The following NDUFAF2 variants were observed in gnomAD, a reference collection of about 807,000 sequenced individuals.
NDUFAF2 encodes NADH:ubiquinone oxidoreductase complex assembly factor 2.
A neutral mutation model predicts 22.8 loss-of-function variants in NDUFAF2; 13 were observed. That is an observed-to-expected ratio of 0.57 (90% CI 0.37 to 0.91). The LOEUF is 0.91. NDUFAF2 is among the 40% of genes least tolerant of loss of function. The pLI, the probability that NDUFAF2 is intolerant of heterozygous loss-of-function variation, is 0.01. For missense variants in NDUFAF2, 162 were observed against 195.2 expected (o/e 0.83, Z 1.01); for synonymous variants, 53 against 64.2 (o/e 0.83, Z 0.84).
At chr5:61,134,731 A>G (rs1740886124) in intron 3 of NDUFAF2, among the ~76,000 whole-genome samples, 1 of 151,978 alleles carries the variant, frequency 6.6e-6, no homozygotes, top group Non-Finnish European at 1.5e-5. Flanking sequence ...CCCCCCCAAA[A>G]TTTTTTTGAA....
At chr5:61,025,594 A>G (rs536442093) in intron 1 of NDUFAF2, among the ~76,000 whole-genome samples, 31 of 152,160 alleles carry the variant, frequency 2.0e-4, no homozygotes, top group African/African-American at 6.5e-4. Flanking sequence ...GTAAATATGT[A>G]TTAAGAGGAA....
chr5:61,146,994 AT>A lies in NDUFAF2; in HGVS notation c.259-5702del, dbSNP rs553468243. 8.0e-4 allele frequency among the ~76,000 whole-genome samples: 121 copies of A among 151,408 alleles called. 1 individual carries two copies. The highest frequency in any genetic ancestry group is 4.6e-3 in the South Asian group (22 of 4,792). ...AGTTCCCATTTCTTTCCTCATGTTG[AT>A]TTTTTTTCTTTAATTCTTTAGACAT... On this transcript the variant is annotated intron_variant, in intron 3 of 3. Transcript: ENST00000296597.
chr5:61,074,781 A>AGAAAT (rs1231942716), intron 2 of NDUFAF2, among the ~76,000 whole-genome samples: 2 of 152,122 alleles, frequency 1.3e-5, no homozygotes, highest in African/African-American at 2.4e-5. Context: ...AGAAAAGAAA[A>AGAAAT]GAAATACCTG....
intron 1 of NDUFAF2, among the ~76,000 whole-genome samples, chr5:60,986,937 CAA>C (rs200015156): frequency 2.5e-4 from 18 of 73,426 alleles, no homozygotes; most frequent in East Asian, 4.1e-4. Flanking sequence ...TCTTTTGTCT[CAA>C]AAAAAAAAAA....
chr5:61,045,483 T>A (rs1751942530), intron 1 of NDUFAF2, among the ~76,000 whole-genome samples: 1 of 151,674 alleles, frequency 6.6e-6, no homozygotes, highest in Non-Finnish European at 1.5e-5. Flanking sequence ...TTTTTTCTAT[T>A]TTTAATTTTA....
intron 2 of NDUFAF2, among the ~76,000 whole-genome samples, chr5:61,092,186 C>T (rs1752576919): frequency 6.6e-6 from 1 of 151,906 alleles, no homozygotes; most frequent in Non-Finnish European, 1.5e-5. Flanking sequence ...TTTAGGATTG[C>T]TTTGGCTATT....
chr5:60,970,106 A>G (rs901620237), intron 1 of NDUFAF2, among the ~76,000 whole-genome samples: 3 of 152,126 alleles, frequency 2.0e-5, no homozygotes, highest in African/African-American at 7.2e-5. Flanking sequence ...TGCCAGTACC[A>G]TGCCATTTTG....
Position 60,967,798 on chromosome 5 carries a change from A to G in NDUFAF2, c.127+22416A>G, listed in dbSNP as rs555675143. ...TGCTTATCAGGAATATTGGCATATA[A>G]TTTTCTTTTCTTGTAATGTCCCTTT... On this transcript the variant is annotated intron_variant, in intron 1 of 3. Transcript: ENST00000296597. 6.0e-5 allele frequency among the ~76,000 whole-genome samples: 9 copies of G among 149,614 alleles called. No homozygotes were observed. The South Asian group carries it at 1.7e-3, about 28-fold the overall frequency.
intron 3 of NDUFAF2, among the ~76,000 whole-genome samples, chr5:61,120,436 T>C (rs1752961950): frequency 6.6e-6 from 1 of 152,126 alleles, no homozygotes; most frequent in African/African-American, 2.4e-5. Context: ...AGAAGTAGTA[T>C]CTCCAGTTTC....
At chr5:61,024,427 C>T (rs1036488752) in intron 1 of NDUFAF2, among the ~76,000 whole-genome samples, 4 of 151,696 alleles carry the variant, frequency 2.6e-5, no homozygotes, top group East Asian at 1.9e-4. Context: ...TGTTTTAGGC[C>T]TCATATATGT....
At chr5:61,005,668 T>C (rs1287450437) in intron 1 of NDUFAF2, among the ~76,000 whole-genome samples, 1 of 152,216 alleles carries the variant, frequency 6.6e-6, no homozygotes, top group African/African-American at 2.4e-5. Flanking sequence ...AGGTTTTGAT[T>C]TGCATTTGTC....
chr5:60,959,786 T>G (rs1368173457), intron 1 of NDUFAF2, among the ~76,000 whole-genome samples: 2 of 152,144 alleles, frequency 1.3e-5, no homozygotes, highest in African/African-American at 4.8e-5. Context: ...TTTAATTTTC[T>G]GATCTTCATT....
intron 2 of NDUFAF2, among the ~76,000 whole-genome samples, chr5:61,084,464 A>G (rs1273133407): frequency 6.6e-6 from 1 of 151,942 alleles, no homozygotes; most frequent in African/African-American, 2.4e-5. Flanking sequence ...TTGAAAAACA[A>G]CTCTCCATTT....
At chr5:61,123,657 C>T (rs917820374) in intron 3 of NDUFAF2, among the ~76,000 whole-genome samples, 3 of 152,114 alleles carry the variant, frequency 2.0e-5, no homozygotes, top group Non-Finnish European at 2.9e-5. Flanking sequence ...TTTACATGTA[C>T]TTGTAAAATG....
At chr5:61,064,068 G>T (rs1752199849) in intron 1 of NDUFAF2, among the ~76,000 whole-genome samples, 1 of 152,014 alleles carries the variant, frequency 6.6e-6, no homozygotes, top group Admixed American at 6.6e-5. Flanking sequence ...CCATTTAATG[G>T]TAATCAAAAG....
intron 1 of NDUFAF2, among the ~76,000 whole-genome samples, chr5:60,982,341 G>A (rs1750995524): frequency 6.6e-6 from 1 of 152,026 alleles, no homozygotes; most frequent in Non-Finnish European, 1.5e-5. Context: ...TACATGGATG[G>A]CAGCAGGCAA....
At chr5:61,051,130 A>G (rs1482959811) in intron 1 of NDUFAF2, among the ~76,000 whole-genome samples, 3 of 152,128 alleles carry the variant, frequency 2.0e-5, no homozygotes, top group Non-Finnish European at 2.9e-5. Context: ...TTTCCCATGT[A>G]AAATCCAATT....
At position 61,102,342 on chromosome 5, in the gene NDUFAF2, C is replaced by A. The variant is rs951641447; in HGVS notation, c.258+3310C>A. ...GCATTAGGATACTGGGTAAATAAATCAATGGAAAAAACAAAAGTCCAAAAA... is the reference window on the plus strand; with the variant it reads ...GCATTAGGATACTGGGTAAATAAATAAATGGAAAAAACAAAAGTCCAAAAA... On this transcript the variant is annotated intron_variant, in intron 3 of 3. Transcript: ENST00000296597. Among the ~76,000 whole-genome samples, 7 of 152,096 alleles carry A rather than the reference C, an allele frequency of 4.6e-5. No homozygotes were observed. The East Asian group carries it at 1.4e-3, about 29-fold the overall frequency.
intron 1 of NDUFAF2, among the ~76,000 whole-genome samples, chr5:60,999,335 A>G (rs1751267063): frequency 6.6e-6 from 1 of 152,112 alleles, no homozygotes; most frequent in South Asian, 2.1e-4. Context: ...CAATGGATGA[A>G]TGAGTAAACA....
Sources: allele counts gnomAD v4.1 joint callset (sites outside exome capture counted in the v4.1 genomes callset), GRCh38; gene constraint gnomAD v4.1.1; transcripts MANE v1.5; gene names NCBI Gene and HGNC (gene_info 2026-07-23, HGNC 2026-07-21).